HK2: variants seen among roughly 807,000 people sequenced by gnomAD.
The protein encoded by HK2 is hexokinase-2.
HK2 carries 42 observed loss-of-function variants against 92.9 expected under a neutral mutation model. The ratio of observed to expected loss-of-function variants is 0.45; its 90% CI spans 0.35 to 0.58. The LOEUF (loss-of-function observed/expected upper bound fraction) is 0.58, where lower values mean the gene tolerates loss of function less well. Ranked by LOEUF, HK2 falls within the 20% of genes least tolerant of loss-of-function variation. The probability of loss-of-function intolerance (pLI) is 0.00; values close to 1 mark genes in which losing one functional copy is unlikely to be tolerated. For synonymous variants in HK2, 422 were observed against 468.0 expected (o/e 0.90, Z 1.27); for missense variants, 978 against 1,245.1 (o/e 0.79, Z 3.23).
At position 74,874,425 on chromosome 2, in the gene HK2, G is replaced by A. The variant is rs182426373; in HGVS notation, c.851G>A (p.Gly284Asp). 6.2e-6 allele frequency: 10 copies of A among 1,609,032 alleles called. No individual in the cohort carries two copies. The Admixed American group carries it at 1.0e-4, about 16-fold the overall frequency. ...RTEFDQEIDMGSLNPGKQLFE... is the reference protein window; with the variant it reads ...RTEFDQEIDMDSLNPGKQLFE... Reference sequence around the variant, plus strand: ...GAGTTTGACCAGGAGATTGACATGGGCTCACTGAACCCGGGAAAGCAACTG... The same window carrying A: ...GAGTTTGACCAGGAGATTGACATGGACTCACTGAACCCGGGAAAGCAACTG... Residue 284 changes from glycine (G) to aspartate (D), a missense_variant, in exon 7 of 18, where the codon GGC becomes GAC. Around this residue, in one of 3 missense-constraint regions of HK2, gnomAD observed 742 missense variants for 922.5 expected, o/e 0.80. Coordinates refer to ENST00000290573, the MANE Select transcript of HK2 (RefSeq NM_000189.5).
intron 1 of HK2, among the ~76,000 whole-genome samples, chr2:74,853,573 C>T (rs1323176212): frequency 6.7e-6 from 1 of 149,872 alleles, no homozygotes; most frequent in Non-Finnish European, 1.5e-5. Flanking sequence ...CAAAATTAGC[C>T]AGACATGGTG....
intron 3 of HK2, among the ~76,000 whole-genome samples, chr2:74,869,335 T>G (rs908209123): frequency 6.6e-6 from 1 of 152,230 alleles, no homozygotes; most frequent in Non-Finnish European, 1.5e-5. Flanking sequence ...GGAAGTTCAT[T>G]GTGGCTATTT....
intron 1 of HK2, among the ~76,000 whole-genome samples, chr2:74,836,961 T>G (rs1329290415): frequency 6.6e-6 from 1 of 152,096 alleles, no homozygotes; most frequent in East Asian, 1.9e-4. Context: ...CCCAACGAGG[T>G]CACTTGTCGT....
Position 74,867,788 on chromosome 2 carries a change from T to A in HK2, c.375+4T>A, listed in dbSNP as rs1398123801. ...CATGCGAGGCAGTGGCACCCAGGTA[T>A]GACCCTTCTCTCAGGGCAGCCCCTG... On this transcript the variant is annotated splice_donor_region_variant and intron_variant, in intron 3 of 17. Transcript: ENST00000290573. 1 of 1,614,098 alleles carries A rather than the reference T, an allele frequency of 6.2e-7. No individual in the cohort carries two copies. The highest frequency in any genetic ancestry group is 1.1e-5 in the South Asian group (1 of 91,074).
chr2:74,859,435 C>T (rs147980122), intron 2 of HK2, among the ~76,000 whole-genome samples: 1 of 151,982 alleles, frequency 6.6e-6, no homozygotes, highest in Non-Finnish European at 1.5e-5. Flanking sequence ...GCCTGCAATC[C>T]CAGCACTTTG....
chr2:74,883,894 T>G (rs1689460753), intron 12 of HK2, among the ~76,000 whole-genome samples: 1 of 152,246 alleles, frequency 6.6e-6, no homozygotes, highest in Non-Finnish European at 1.5e-5. Context: ...ACTAGTTATT[T>G]GTAATAAATT....
Position 74,881,771 on chromosome 2 carries a change from G to A in HK2, c.1631G>A (p.Arg544His), listed in dbSNP as rs62642507. ...GGTNFRVLLV[R>H]VRNGKWGGVE... is the part of the protein sequence containing the mutation. The stretch of plus-strand genomic sequence containing the variant: ...ACAAATTTCCGGGTCCTGCTGGTCC[G>A]TGTTCGGAATGGGAAGTGGGGTGGA... Residue 544 changes from arginine to histidine, a missense_variant, in exon 11 of 18, where the codon CGT becomes CAT. Coordinates refer to ENST00000290573, the MANE Select transcript of HK2 (RefSeq NM_000189.5). 216 of 1,614,070 alleles carry A rather than the reference G, an allele frequency of 1.3e-4. 1 individual carries two copies. Among genetic ancestry groups the A allele is most frequent in the Non-Finnish European group, 1.7e-4 (202 of 1,180,036 alleles).
chr2:74,889,677 C>T (rs980811574), intron 17 of HK2, among the ~76,000 whole-genome samples, 199 bp downstream of exon 17: 9 of 152,186 alleles, frequency 5.9e-5, no homozygotes, highest in South Asian at 4.1e-4. Context: ...AAGCCCCCTC[C>T]GAGCCCCTCC....
chr2:74,842,089 CAA>C (rs1688326720), intron 1 of HK2, among the ~76,000 whole-genome samples: 1 of 152,172 alleles, frequency 6.6e-6, no homozygotes, highest in African/African-American at 2.4e-5. Context: ...CTATAAAATG[CAA>C]AGATTGTTTG....
rs1688099786 is a variant in HK2, at chr2:74,834,488, G to A, written c.-93G>A. ...TCCCAGCTCCCGGCCCGGCAGCCGAGCCCCAGCACAAAGCAGTCGGACCGC... is the reference window on the plus strand; with the variant it reads ...TCCCAGCTCCCGGCCCGGCAGCCGAACCCCAGCACAAAGCAGTCGGACCGC... On this transcript the variant is annotated 5_prime_UTR_variant, in exon 1 of 18. Transcript: ENST00000290573. The surrounding 1 kb of genome is among the most constrained non-coding windows in gnomAD (Gnocchi z 4.2). 2 of 1,300,610 alleles carry A rather than the reference G, an allele frequency of 1.5e-6. No individual in the cohort carries two copies. Among genetic ancestry groups the A allele is most frequent in the South Asian group, 1.2e-5 (1 of 83,586 alleles). 80.6% of individuals were successfully genotyped at this position (1,300,610 alleles called of 1,614,324 possible).
intron 3 of HK2, among the ~76,000 whole-genome samples, chr2:74,870,601 A>G (rs1314655539): frequency 6.9e-6 from 1 of 144,614 alleles, no homozygotes; most frequent in African/African-American, 2.6e-5. Flanking sequence ...TGTACTAAAG[A>G]TCATTTTGAC....
At chr2:74,867,156 T>C (rs1688971545) in intron 2 of HK2, among the ~76,000 whole-genome samples, 1 of 152,044 alleles carries the variant, frequency 6.6e-6, no homozygotes, top group Non-Finnish European at 1.5e-5. Flanking sequence ...GATTGAATTA[T>C]AAAAGTAATG....
At position 74,867,665 on chromosome 2, in the gene HK2, G is replaced by C; in HGVS notation, c.256G>C (p.Gly86Arg). 1 of 1,613,806 alleles carries C rather than the reference G, an allele frequency of 6.2e-7. No homozygotes were observed. Among genetic ancestry groups the C allele is most frequent in the Non-Finnish European group, 8.5e-7 (1 of 1,180,000 alleles). ...CGGAGAGTTCCTGGCTCTGGATCTT[G>C]GAGGGACCAACTTCCGTGTGCTTTG... ...EHGEFLALDLGGTNFRVLWVK... is the reference protein window; with the variant it reads ...EHGEFLALDLRGTNFRVLWVK... The change falls in exon 3 of 18, where the codon GGA becomes CGA. Residue 86 changes from glycine to arginine, a missense_variant. Transcript: ENST00000290573.
At chr2:74,872,211 G>T in intron 3 of HK2, 89 bp from the exon 4 acceptor site, 1 of 1,362,142 alleles carries the variant, frequency 7.3e-7, no homozygotes, top group Non-Finnish European at 1.0e-6. Flanking sequence ...CACACATTCA[G>T]CTAGTTACGT....
chr2:74,841,055 T>C (rs1219278758), intron 1 of HK2, among the ~76,000 whole-genome samples: 2 of 152,118 alleles, frequency 1.3e-5, no homozygotes, highest in Non-Finnish European at 2.9e-5. Flanking sequence ...CTTGGTGCTA[T>C]TGACATTTTG....
chr2:74,886,771 T>C, intron 15 of HK2, 98 bp downstream of exon 15: 1 of 1,245,716 alleles, frequency 8.0e-7, no homozygotes, highest in Non-Finnish European at 1.2e-6. Context: ...ACGCCGGTTC[T>C]CGTGAGATGT....
chr2:74,867,589 G>A lies in HK2; in HGVS notation c.227-47G>A, dbSNP rs377164474. ...GAGTTTTAAGTCTCGGTTGGTTCCT[G>A]GAAGAATTTTGCCCAAAATTAATAG... On this transcript the variant is annotated intron_variant, in intron 2 of 17. Coordinates refer to ENST00000290573, the MANE Select transcript of HK2 (RefSeq NM_000189.5). The A allele has an allele frequency of 1.2e-5, 20 of 1,610,342 alleles. No homozygotes were observed. The East Asian group carries it at 4.5e-4, about 36-fold the overall frequency.
intron 8 of HK2, among the ~76,000 whole-genome samples, 154 bp from the exon 9 acceptor site, chr2:74,878,534 C>T (rs1408547753): frequency 6.6e-6 from 1 of 152,054 alleles, no homozygotes; most frequent in African/African-American, 2.4e-5. Context: ...CCTCCTCCTG[C>T]CCCTGCACAG....
intron 1 of HK2, among the ~76,000 whole-genome samples, chr2:74,844,181 T>C (rs1302985135): frequency 2.6e-5 from 4 of 152,078 alleles, no homozygotes; most frequent in African/African-American, 9.7e-5. Context: ...TTTGGGACCA[T>C]GTAGTCTAAA....
Sources: gnomAD v4.1 joint callset for allele counts (sites outside exome capture counted in the v4.1 genomes callset) on GRCh38, gnomAD v4.1.1 for gene constraint, gnomAD v4.1.1 regional missense constraint, Gnocchi (gnomAD v3.1) non-coding constraint, MANE v1.5 for transcripts, NCBI Gene and HGNC (gene_info 2026-07-23, HGNC 2026-07-21) for gene names.